The following FIBCD1 variants were observed in gnomAD, a reference collection of about 807,000 sequenced individuals.
FIBCD1 encodes fibrinogen C domain containing 1, also known as fibrinogen C domain-containing protein 1.
Under a neutral mutation model 45.1 loss-of-function variants are expected in FIBCD1, and 47 were observed. That is an observed-to-expected ratio of 1.04 (90% CI 0.82 to 1.33). The LOEUF (loss-of-function observed/expected upper bound fraction) is 1.33. Among genes scored for constraint, FIBCD1 ranks in the 40% most tolerant of loss-of-function variants. The pLI is 0.00. For synonymous variants in FIBCD1, 313 were observed against 308.1 expected (o/e 1.02, Z -0.17); for missense variants, 653 against 682.2 (o/e 0.96, Z 0.48).
intron 2 of FIBCD1, 82 bp from the exon 3 acceptor site, chr9:130,924,478 G>A: frequency 1.5e-6 from 2 of 1,340,672 alleles, no homozygotes; most frequent in Admixed American, 2.3e-5. Flanking sequence ...ACTGGCCAGA[G>A]TGGGCCCTCT....
rs891678168 is a variant in FIBCD1 at position 130,922,559 on chromosome 9, C to T, written c.849+1185G>A. Among the ~76,000 whole-genome samples the T allele has an allele frequency of 2.0e-5, 3 of 152,094 alleles. No homozygotes were observed. Among genetic ancestry groups the T allele is most frequent in the African/African-American group, 4.8e-5 (2 of 41,384 alleles). On this transcript the variant is annotated intron_variant, in intron 4 of 6. Transcript: ENST00000372338. This position sits in a 1 kb window ranked among gnomAD's most constrained non-coding sequence, Gnocchi z 4.5. ...CAGAGCGTGGAACCTCCAGGCTCCC[C>T]GCCTCTCTGACATCTGCTGTCGGGG... is the stretch of plus-strand genomic sequence containing the variant.
Position 130,930,040 on chromosome 9 carries a change from T to C in FIBCD1, c.79A>G (p.Ser27Gly). 1 of 1,501,748 alleles carries C rather than the reference T, an allele frequency of 6.7e-7. No individual in the cohort carries two copies. Among genetic ancestry groups the C allele is most frequent in the Non-Finnish European group, 8.9e-7 (1 of 1,128,388 alleles). 93.0% of individuals were successfully genotyped at this position (1,501,748 alleles called of 1,614,324 possible). The stretch of plus-strand genomic sequence containing the variant: ...ACGGTGCACAGCACGTAGCCGCAGC[T>C]CGGCCGCTGCAGGCCCGCCCGGGAC... ...DRPRDKPQRP[S>G]CGYVLCTVLL... The change falls in exon 2 of 7, where the codon AGC becomes GGC. Residue 27 changes from serine to glycine, a missense_variant. Transcript: ENST00000372338.
intron 2 of FIBCD1, among the ~76,000 whole-genome samples, chr9:130,928,791 C>T (rs1832398136): frequency 6.6e-6 from 1 of 152,168 alleles, no homozygotes; most frequent in Admixed American, 6.5e-5. Context: ...GATTCCAGGT[C>T]TGACCTGGCC....
chr9:130,931,369 A>G (rs557135238), intron 1 of FIBCD1, among the ~76,000 whole-genome samples: 5 of 152,264 alleles, frequency 3.3e-5, no homozygotes, highest in Admixed American at 2.0e-4. Flanking sequence ...TTAGCTGGGC[A>G]TGGTGGCACA....
At chr9:130,914,865 G>A (rs540846409) in intron 4 of FIBCD1, among the ~76,000 whole-genome samples, 5 of 152,338 alleles carry the variant, frequency 3.3e-5, no homozygotes, top group Non-Finnish European at 5.9e-5. Flanking sequence ...ATGGGCAGTC[G>A]AGACTCAGCT....
rs190785946 is a variant in FIBCD1, at chr9:130,930,155, G to A, written c.73-109C>T. On this transcript the variant is annotated intron_variant, in intron 1 of 6. Coordinates refer to ENST00000372338, the MANE Select transcript of FIBCD1 (RefSeq NM_032843.5). ...GAGGACCCCCTTCTTGGGGGGCTGG[G>A]CAAGGGCGTGGCACAGAGACTGAGA... 40 of 1,352,936 alleles carry A rather than the reference G, an allele frequency of 3.0e-5. No homozygotes were observed. The Admixed American group carries it at 8.9e-4, about 30-fold the overall frequency. 83.8% of individuals were successfully genotyped at this position (1,352,936 alleles called of 1,614,324 possible).
chr9:130,919,151 C>T (rs977174253), intron 4 of FIBCD1, among the ~76,000 whole-genome samples: 1 of 152,228 alleles, frequency 6.6e-6, no homozygotes, highest in African/African-American at 2.4e-5. Flanking sequence ...GGGCCCTGCA[C>T]GTGCATTGTC....
chr9:130,923,675 C>T lies in FIBCD1; in HGVS notation c.849+69G>A, dbSNP rs1435495727. On this transcript the variant is annotated intron_variant, in intron 4 of 6. Transcript: ENST00000372338. The stretch of plus-strand genomic sequence containing the variant: ...TGGGTAGGAAGCTGCTCGGAATGCC[C>T]GGGTTCAGGTACACAGCCTCACGGT... 9.5e-6 allele frequency: 15 copies of T among 1,573,888 alleles called. 1 individual carries two copies. The highest frequency in any genetic ancestry group is 4.6e-5 in the South Asian group (4 of 87,528).
At chr9:130,921,062 C>T (rs1317191922) in intron 4 of FIBCD1, among the ~76,000 whole-genome samples, 5 of 152,086 alleles carry the variant, frequency 3.3e-5, no homozygotes, top group Non-Finnish European at 4.4e-5. Flanking sequence ...GGCGTGATGC[C>T]GGGGGTGGGG....
chr9:130,930,890 T>C (rs1188014599), intron 1 of FIBCD1: 2 of 446,254 alleles, frequency 4.5e-6, no homozygotes. Context: ...GATGGTCTCG[T>C]GCTGTCTCTG....
chr9:130,913,880 C>G (rs1215395022), intron 4 of FIBCD1, among the ~76,000 whole-genome samples: 1 of 152,170 alleles, frequency 6.6e-6, no homozygotes. Context: ...GGCCTCTGCC[C>G]TGGGGACTGG....
Position 130,911,824 on chromosome 9 carries a change from C to T in FIBCD1, c.914G>A (p.Gly305Asp), listed in dbSNP as rs1206329774. Residue 305 changes from glycine (G) to aspartate (D), a missense_variant, in exon 5 of 7, where the codon GGC (glycine) becomes GAC (aspartate). Transcript: ENST00000372338. ...GTGCTCCCCGGTGAGCCTGCCAAAG[C>T]CGTCTCGGTACGCATCCCAGCCCCG... ...FFRGWDAYRD[G>D]FGRLTGEHWL... is the part of the protein sequence containing the mutation. The T allele has an allele frequency of 2.5e-6, 4 of 1,604,790 alleles. No homozygotes were observed. The South Asian group carries it at 3.4e-5, about 13-fold the overall frequency.
intron 5 of FIBCD1, among the ~76,000 whole-genome samples, chr9:130,906,326 A>C (rs965902001): frequency 6.6e-6 from 1 of 152,172 alleles, no homozygotes; most frequent in Non-Finnish European, 1.5e-5. Flanking sequence ...AGTTAGTAGC[A>C]GCGAGTGGTA....
Position 130,902,673 on chromosome 9 carries a change from G to A in FIBCD1, c.*1391C>T, listed in dbSNP as rs1315276573. The A allele has an allele frequency of 4.7e-5, 7 of 149,656 alleles. No individual in the cohort carries two copies. The Admixed American group carries it at 4.7e-4, about 10-fold the overall frequency. 9.3% of individuals were successfully genotyped at this position (149,656 alleles called of 1,614,324 possible). A position where few individuals can be genotyped will look rare whatever the true frequency, so the allele number is the denominator to read the frequency against. ...GGCTGCTAGGCAGCTCCCCAAGGCT[G>A]ACTCCAGCCCTTTCGGAGGCCCCCC... On this transcript the variant is annotated 3_prime_UTR_variant, in exon 7 of 7. Coordinates refer to ENST00000372338, the MANE Select transcript of FIBCD1 (RefSeq NM_032843.5).
rs930834321 is a variant in FIBCD1 at position 130,938,721 on chromosome 9, C to T, written c.-114G>A. The stretch of plus-strand genomic sequence containing the variant: ...CGCGCTCTGTCCGCCGGGTCCCCGC[C>T]TCTGTGCCCCGCGCCGGGGCGGCCC... On this transcript the variant is annotated 5_prime_UTR_variant, in exon 1 of 7. Transcript: ENST00000372338. 10 of 500,990 alleles carry T rather than the reference C, an allele frequency of 2.0e-5. No individual in the cohort carries two copies. In the African/African-American group the frequency reaches 2.1e-4, roughly 10 times the overall value. 31.0% of individuals were successfully genotyped at this position (500,990 alleles called of 1,614,324 possible). A position where few individuals can be genotyped will look rare whatever the true frequency, so the allele number is the denominator to read the frequency against.
At chr9:130,938,265 T>C (rs2133131516) in intron 1 of FIBCD1, 1 of 388,226 alleles carries the variant, frequency 2.6e-6, no homozygotes, top group East Asian at 4.4e-5. Context: ...TGCACCCGCG[T>C]GCACCAGGGG....
intron 2 of FIBCD1, 39 bp from the exon 3 acceptor site, chr9:130,924,435 C>A (rs1429602718): frequency 5.8e-6 from 9 of 1,554,776 alleles, no homozygotes; most frequent in Non-Finnish European, 7.8e-6. Context: ...GGCAGGGGCT[C>A]TGTTGGGGGT....
In FIBCD1 at chr9:130,923,738, ACT is replaced by A. The variant is rs753074579; in HGVS notation, c.849+4_849+5del. 5 of 1,611,168 alleles carry A rather than the reference ACT, an allele frequency of 3.1e-6. No individual in the cohort carries two copies. The highest frequency in any genetic ancestry group is 1.7e-5 in the Admixed American group (1 of 59,934). ...CCCTGCCGCCCGCCCAGCCTGGGAC[ACT>A]CACCGTCCAGCCGCCGCCGTCCGTG... is the stretch of plus-strand genomic sequence containing the variant. On this transcript the variant is annotated splice_donor_5th_base_variant and intron_variant, in intron 4 of 6. Coordinates refer to ENST00000372338, the MANE Select transcript of FIBCD1 (RefSeq NM_032843.5).
At position 130,911,657 on chromosome 9, in the gene FIBCD1, C is replaced by T. The variant is rs1208244313; in HGVS notation, c.946+135G>A. The T allele has an allele frequency of 8.5e-6, 6 of 704,400 alleles. No individual in the cohort carries two copies. The East Asian group carries it at 1.1e-4, about 13-fold the overall frequency. 43.6% of individuals were successfully genotyped at this position (704,400 alleles called of 1,614,324 possible). A position where few individuals can be genotyped will look rare whatever the true frequency, so the allele number is the denominator to read the frequency against. On this transcript the variant is annotated intron_variant, in intron 5 of 6. Transcript: ENST00000372338. Reference sequence around the variant, plus strand: ...TGCCTGTCACCTTCATGCATGACACCTGTGAGCTGGCTCAGGTGTGCCGAG... The same window carrying T: ...TGCCTGTCACCTTCATGCATGACACTTGTGAGCTGGCTCAGGTGTGCCGAG...
Sources: gnomAD v4.1 joint callset for allele counts (sites outside exome capture counted in the v4.1 genomes callset) on GRCh38, gnomAD v4.1.1 for gene constraint, Gnocchi (gnomAD v3.1) non-coding constraint, MANE v1.5 for transcripts, NCBI Gene and HGNC (gene_info 2026-07-23, HGNC 2026-07-21) for gene names.